Variants in EXD2 observed in about 807,000 individuals in gnomAD.
EXD2 encodes exonuclease 3'-5' domain containing 2.
EXD2 carries 40 observed loss-of-function variants against 62.5 expected under a neutral mutation model. The ratio of observed to expected loss-of-function variants is 0.64; its 90% CI spans 0.50 to 0.83. EXD2 has a LOEUF of 0.83. EXD2 is among the 40% of genes least tolerant of loss of function. EXD2 has a pLI of 0.00. For missense variants in EXD2, 671 were observed against 761.8 expected (o/e 0.88, Z 1.40); for synonymous variants, 239 against 291.9 (o/e 0.82, Z 1.85).
At chr14:69,193,220 G>A (rs1341394070) in intron 1 of EXD2, among the ~76,000 whole-genome samples, 1 of 151,984 alleles carries the variant, frequency 6.6e-6, no homozygotes, top group East Asian at 1.9e-4. Context: ...TACCACGCCT[G>A]GCTAATTTTT....
At chr14:69,229,182 C>T in intron 4 of EXD2, 110 bp downstream of exon 4, 2 of 1,368,366 alleles carry the variant, frequency 1.5e-6, no homozygotes, top group Non-Finnish European at 2.0e-6. Flanking sequence ...GTATAGGAGC[C>T]TAGAGGCTTC....
chr14:69,233,095 T>A (rs1372299701), intron 5 of EXD2, among the ~76,000 whole-genome samples: 1 of 152,222 alleles, frequency 6.6e-6, no homozygotes, highest in Non-Finnish European at 1.5e-5. Context: ...CTTTTGCATG[T>A]GGACCTCCAG....
intron 3 of EXD2, among the ~76,000 whole-genome samples, chr14:69,217,874 C>CT (rs1249509611): frequency 6.6e-6 from 1 of 152,124 alleles, no homozygotes; most frequent in Admixed American, 6.6e-5. Context: ...TGAACTCATC[C>CT]TTTTTTATGG....
intron 2 of EXD2, among the ~76,000 whole-genome samples, chr14:69,205,153 C>T (rs182603664): frequency 7.8e-4 from 118 of 152,246 alleles, no homozygotes; most frequent in Non-Finnish European, 1.3e-3. Flanking sequence ...ATCTTTATTC[C>T]ATGAATATTG....
intron 1 of EXD2, among the ~76,000 whole-genome samples, chr14:69,192,335 G>A (rs1464179727): frequency 6.6e-6 from 1 of 152,162 alleles, no homozygotes; most frequent in East Asian, 1.9e-4. Flanking sequence ...AGAAGGAATT[G>A]AAAGGTTTTG....
rs1247083568 is a variant in EXD2 at position 69,213,012 on chromosome 14, ATGTTGT to A, written c.333+3214_333+3219del. Reference sequence around the variant, plus strand: ...AGGCGTGAGCAACCGTGCCTGGCCTATGTTGTTGTTTTATAGTCAATATTTGTTTAG... The same window carrying A: ...AGGCGTGAGCAACCGTGCCTGGCCTATGTTTTATAGTCAATATTTGTTTAG... On this transcript the variant is annotated intron_variant, in intron 3 of 9. Transcript: ENST00000685843. Among the ~76,000 whole-genome samples the A allele has an allele frequency of 9.3e-5, 14 of 150,564 alleles. No homozygotes were observed. In the East Asian group the frequency reaches 2.6e-3, roughly 27 times the overall value.
intron 3 of EXD2, among the ~76,000 whole-genome samples, chr14:69,227,559 A>T (rs1316110865): frequency 6.6e-6 from 1 of 152,230 alleles, no homozygotes; most frequent in Non-Finnish European, 1.5e-5. Flanking sequence ...CAAAAAGATT[A>T]AACCTCAGCC....
rs1239323964 is a variant in EXD2, at chr14:69,234,827, A to G, written c.845A>G (p.Glu282Gly). Residue 282 changes from glutamate to glycine, a missense_variant, in exon 6 of 10, where the codon GAA becomes GGA. Transcript: ENST00000685843. ...DDHSSWRKVLEKCQGVVDIPF... is the reference protein window; with the variant it reads ...DDHSSWRKVLGKCQGVVDIPF... ...CACAGTAGCTGGAGAAAAGTCTTGG[A>G]AAAATGCCAGGGTGTGGTCGACATC... is the stretch of plus-strand genomic sequence containing the variant. 3.7e-6 allele frequency: 6 copies of G among 1,614,092 alleles called. No homozygotes were observed. The highest frequency in any genetic ancestry group is 2.7e-5 in the African/African-American group (2 of 74,932).
chr14:69,213,537 ATTTTTTT>A (rs746653694), intron 3 of EXD2, among the ~76,000 whole-genome samples: 10 of 76,538 alleles, frequency 1.3e-4, no homozygotes, highest in Admixed American at 1.2e-3. Flanking sequence ...CACCTGGATA[ATTTTTTT>A]TTTTTTTTTT....
intron 1 of EXD2, among the ~76,000 whole-genome samples, chr14:69,197,851 ATCTTT>A (rs537170698): frequency 6.4e-4 from 97 of 152,340 alleles, no homozygotes; most frequent in Non-Finnish European, 1.1e-3. Flanking sequence ...CTATAAAACA[ATCTTT>A]TCTTCTTATC....
intron 3 of EXD2, among the ~76,000 whole-genome samples, chr14:69,211,014 A>G (rs1184125629): frequency 6.6e-6 from 1 of 152,112 alleles, no homozygotes; most frequent in Non-Finnish European, 1.5e-5. Flanking sequence ...GTGGTTGCTG[A>G]AGGTTGGAGT....
At position 69,236,423 on chromosome 14, in the gene EXD2, GC is replaced by G. The variant is rs1566841650; in HGVS notation, c.1176del (p.Phe393LeufsTer3). On this transcript the variant is annotated frameshift_variant, in exon 8 of 10. Coordinates refer to ENST00000685843, the MANE Select transcript of EXD2 (RefSeq NM_001193360.2). LOFTEE classifies it high-confidence loss of function. ...TCTCTTAAGAGCTGGTGAGTGAAGA[GC>G]CCTTTGTGGTGAAGCTACGGTTTGA... Reference protein sequence around the residue: ...KGIGELVSEEPFVVKLRFEPA... With the variant: ...KGIGELVSEEXFVVKLRFEPA... The G allele has an allele frequency of 3.1e-6, 5 of 1,614,118 alleles. No individual in the cohort carries two copies. In the South Asian group the frequency reaches 5.5e-5, roughly 18 times the overall value.
chr14:69,201,046 C>G (rs963649018), intron 1 of EXD2, among the ~76,000 whole-genome samples: 4 of 151,304 alleles, frequency 2.6e-5, no homozygotes, highest in Admixed American at 2.6e-4. Context: ...TGCACTCCAG[C>G]CGGAGTGACA....
At chr14:69,199,115 A>G (rs11158796) in intron 1 of EXD2, among the ~76,000 whole-genome samples, 107,955 of 152,082 alleles carry the variant, frequency 0.71, 39,302 homozygotes, top group East Asian at 0.94. Context: ...GTGGTGGCAC[A>G]CGCCTGTAGC....
chr14:69,201,603 C>T (rs1207839885), intron 1 of EXD2, among the ~76,000 whole-genome samples: 1 of 151,838 alleles, frequency 6.6e-6, no homozygotes, highest in Non-Finnish European at 1.5e-5. Context: ...GGCTCCTGCA[C>T]CTGGAGAACT....
intron 7 of EXD2, 101 bp downstream of exon 7, chr14:69,236,253 G>A: frequency 1.3e-6 from 2 of 1,494,210 alleles, no homozygotes; most frequent in African/African-American, 2.8e-5. Flanking sequence ...GAAGAAGGCA[G>A]AGAGACCGTG....
chr14:69,213,084 C>CTTTTTTTTTT (rs71102636), intron 3 of EXD2, among the ~76,000 whole-genome samples: 1 of 126,606 alleles, frequency 7.9e-6, no homozygotes, highest in Non-Finnish European at 1.6e-5. Context: ...TTCTTCTTTT[C>CTTTTTTTTTT]TTTTTTTTTT....
At chr14:69,238,124 AGG>A (rs2043862271) in intron 9 of EXD2, among the ~76,000 whole-genome samples, 193 bp downstream of exon 9, 1 of 152,232 alleles carries the variant, frequency 6.6e-6, no homozygotes, top group Non-Finnish European at 1.5e-5. Context: ...TCCTTTCCAT[AGG>A]AAACTTGCTT....
Position 69,229,053 on chromosome 14 carries a change from T to C in EXD2, c.571T>C (p.Tyr191His). The change falls in exon 4 of 10, where the codon TAC becomes CAC. Residue 191 changes from tyrosine to histidine, a missense_variant. Transcript: ENST00000685843. ...LVVRGCLDLRYLAMRQRNNLL... is the reference protein window; with the variant it reads ...LVVRGCLDLRHLAMRQRNNLL... ...TGTTAGGGGGTGCCTGGACCTCCGA[T>C]ACCTAGCCATGCGGCAGAGGTGTGG... is the stretch of plus-strand genomic sequence containing the variant. 1 of 1,614,222 alleles carries C rather than the reference T, an allele frequency of 6.2e-7. No homozygotes were observed. The highest frequency in any genetic ancestry group is 8.5e-7 in the Non-Finnish European group (1 of 1,180,022).
Sources: gnomAD v4.1 joint callset for allele counts (sites outside exome capture counted in the v4.1 genomes callset) on GRCh38, gnomAD v4.1.1 for gene constraint, MANE v1.5 for transcripts, NCBI Gene and HGNC (gene_info 2026-07-23, HGNC 2026-07-21) for gene names.